The following DCLK1 variants were observed in gnomAD, a reference collection of about 807,000 sequenced individuals.
DCLK1 encodes doublecortin like kinase 1, also known as serine/threonine-protein kinase DCLK1.
A neutral mutation model predicts 86.2 loss-of-function variants in DCLK1; 16 were observed. The observed-to-expected ratio is 0.19, with a 90% CI of 0.13 to 0.28. The LOEUF is 0.28. DCLK1 is among the 10% of genes least tolerant of loss of function. The pLI is 1.00. For missense variants in DCLK1, 590 were observed against 940.2 expected (o/e 0.63, Z 4.87); for synonymous variants, 369 against 370.5 (o/e 1.00, Z 0.05).
At chr13:35,813,524 A>G (rs2087196252) in intron 11 of DCLK1, among the ~76,000 whole-genome samples, 1 of 152,186 alleles carries the variant, frequency 6.6e-6, no homozygotes, top group Non-Finnish European at 1.5e-5. Flanking sequence ...AATGAAAAAT[A>G]TAGTTCAAAG....
intron 3 of DCLK1, among the ~76,000 whole-genome samples, chr13:35,978,203 C>CT (rs11311688): frequency 0.047 from 3,879 of 82,762 alleles, 173 homozygotes; most frequent in East Asian, 0.16. Flanking sequence ...CTTTTCTTTT[C>CT]TTTTTTTTTT....
chr13:35,958,141 C>CACCACCACCACTGCTATAACCAT (rs1566620655), intron 3 of DCLK1, among the ~76,000 whole-genome samples: 1 of 19,424 alleles, frequency 5.1e-5, no homozygotes, highest in Non-Finnish European at 1.5e-4. Context: ...ACTATAACCA[C>CACCACCACCACTGCTATAACCAT]CACCACCACC....
At chr13:35,896,349 A>C (rs571530129) in intron 4 of DCLK1, among the ~76,000 whole-genome samples, 1 of 151,770 alleles carries the variant, frequency 6.6e-6, no homozygotes, top group Non-Finnish European at 1.5e-5. Context: ...GACCAGCCTG[A>C]CCAACATGGT....
At chr13:35,949,900 A>C (rs1877572220) in intron 3 of DCLK1, among the ~76,000 whole-genome samples, 2 of 143,618 alleles carry the variant, frequency 1.4e-5, no homozygotes, top group African/African-American at 5.0e-5. Context: ...TGAGACTCCA[A>C]GAATATAAAA....
At chr13:35,887,531 GT>G (rs980856780) in intron 4 of DCLK1, among the ~76,000 whole-genome samples, 4 of 152,182 alleles carry the variant, frequency 2.6e-5, no homozygotes, top group Admixed American at 6.5e-5. Flanking sequence ...CTTAGAGGAA[GT>G]TGCTTTCAAG....
chr13:36,045,299 AAT>A (rs1240305999), intron 3 of DCLK1, among the ~76,000 whole-genome samples: 19 of 127,514 alleles, frequency 1.5e-4, no homozygotes, highest in African/African-American at 4.0e-4. Flanking sequence ...ATAATCGTCT[AAT>A]ATATATATGT....
intron 6 of DCLK1, among the ~76,000 whole-genome samples, chr13:35,852,915 T>C (rs2153110310): frequency 6.6e-6 from 1 of 152,254 alleles, no homozygotes; most frequent in East Asian, 1.9e-4. Context: ...TTTAATTAGC[T>C]CAAAGAATAA....
chr13:35,798,926 C>G (rs2086864202), intron 15 of DCLK1, among the ~76,000 whole-genome samples: 1 of 151,802 alleles, frequency 6.6e-6, no homozygotes, highest in African/African-American at 2.4e-5. Flanking sequence ...TTCTTTTTTT[C>G]TTTTTGGATA....
intron 3 of DCLK1, among the ~76,000 whole-genome samples, chr13:36,073,797 T>C (rs1884065241): frequency 1.3e-5 from 2 of 152,170 alleles, no homozygotes; most frequent in South Asian, 4.1e-4. Context: ...TTGCACATCA[T>C]TGACCTCCTC....
chr13:36,032,052 C>A (rs1882299947), intron 3 of DCLK1, among the ~76,000 whole-genome samples: 1 of 152,230 alleles, frequency 6.6e-6, no homozygotes. Flanking sequence ...TGGCTTAGAA[C>A]CCCACAGTGG....
At chr13:35,878,503 T>C (rs914647252) in intron 4 of DCLK1, among the ~76,000 whole-genome samples, 3 of 151,920 alleles carry the variant, frequency 2.0e-5, no homozygotes, top group Non-Finnish European at 4.4e-5. Context: ...AATACAGCTT[T>C]TAAAAACAAA....
intron 3 of DCLK1, among the ~76,000 whole-genome samples, chr13:36,095,502 G>A (rs1348108678): frequency 3.3e-5 from 5 of 151,966 alleles, no homozygotes; most frequent in African/African-American, 1.2e-4. Context: ...CACTGTGCCC[G>A]GCTCTCTCAT....
At chr13:36,037,047 ATAT>A (rs1882529751) in intron 3 of DCLK1, among the ~76,000 whole-genome samples, 1 of 152,208 alleles carries the variant, frequency 6.6e-6, no homozygotes, top group African/African-American at 2.4e-5. Flanking sequence ...ACACAGTGGA[ATAT>A]TATTCAGCCA....
intron 4 of DCLK1, among the ~76,000 whole-genome samples, chr13:35,913,312 G>T (rs994546367): frequency 1.4e-5 from 2 of 147,854 alleles, no homozygotes. Context: ...GAAGATAATG[G>T]TATATTCTTT....
At chr13:36,101,196 T>C (rs1566012094) in intron 3 of DCLK1, among the ~76,000 whole-genome samples, 2 of 152,228 alleles carry the variant, frequency 1.3e-5, no homozygotes, top group South Asian at 4.1e-4. Context: ...AGCATGCACA[T>C]GCACTTTGTG....
chr13:35,825,692 A>G (rs529201528), intron 10 of DCLK1, among the ~76,000 whole-genome samples: 1 of 152,322 alleles, frequency 6.6e-6, no homozygotes, highest in South Asian at 2.1e-4. Context: ...CATTGTTGTA[A>G]AAAGACTCCT....
intron 16 of DCLK1, among the ~76,000 whole-genome samples, chr13:35,784,745 G>T (rs187428598): frequency 1.9e-4 from 29 of 152,154 alleles, no homozygotes; most frequent in Admixed American, 1.8e-3. Flanking sequence ...GGCTGTCCCC[G>T]GGGACAGCGT....
chr13:35,967,138 C>T (rs558757402), intron 3 of DCLK1, among the ~76,000 whole-genome samples: 7 of 148,640 alleles, frequency 4.7e-5, no homozygotes, highest in East Asian at 2.0e-4. Context: ...ATGTGAAGAG[C>T]GCCTCTGCCC....
chr13:36,097,726 T>C (rs1885066288), intron 3 of DCLK1, among the ~76,000 whole-genome samples: 1 of 152,150 alleles, frequency 6.6e-6, no homozygotes, highest in Admixed American at 6.6e-5. Context: ...CAGGGTAGTA[T>C]ATTAATCTCA....
Sources: allele counts gnomAD v4.1 joint callset (sites outside exome capture counted in the v4.1 genomes callset), GRCh38; gene constraint gnomAD v4.1.1; transcripts MANE v1.5; gene names NCBI Gene and HGNC (gene_info 2026-07-23, HGNC 2026-07-21).